The following ACTR3C variants were observed in gnomAD, a reference collection of about 807,000 sequenced individuals.
ACTR3C encodes actin related protein 3C.
Under a neutral mutation model 26.3 loss-of-function variants are expected in ACTR3C, and 18 were observed. That is an observed-to-expected ratio of 0.68 (90% CI 0.47 to 1.01). The LOEUF (loss-of-function observed/expected upper bound fraction) is 1.01. Ranked by LOEUF, ACTR3C falls within the 50% of genes least tolerant of loss-of-function variation. The probability of loss-of-function intolerance (pLI) is 0.00; values close to 1 mark genes in which losing one functional copy is unlikely to be tolerated. For synonymous variants in ACTR3C, 55 were observed against 94.5 expected, an observed-to-expected ratio of 0.58 and a Z score of 2.42; for missense variants, 184 against 250.7, an observed-to-expected ratio of 0.73 and a Z score of 1.80.
the ACTR3C span, among the ~76,000 whole-genome samples, chr7:149,932,617 T>G: frequency 6.6e-6 from 1 of 151,716 alleles, no homozygotes; most frequent in Admixed American, 6.6e-5. Flanking sequence ...CTTTTGGCAC[T>G]GTTTGAAAAA....
At chr7:149,892,292 T>C in the ACTR3C span, 1 of 1,574,452 alleles carries the variant, frequency 6.4e-7, no homozygotes, top group Non-Finnish European at 8.7e-7. Context: ...CATATGTAGG[T>C]TTATCGATGG....
chr7:150,293,029 C>G (rs1453736703), intron 3 of ACTR3C, among the ~76,000 whole-genome samples: 1 of 152,138 alleles, frequency 6.6e-6, no homozygotes, highest in African/African-American at 2.4e-5. Flanking sequence ...CAGAGACATC[C>G]TGGACATTCT....
At chr7:149,968,393 C>A in the ACTR3C span, among the ~76,000 whole-genome samples, 1 of 152,230 alleles carries the variant, frequency 6.6e-6, no homozygotes, top group East Asian at 1.9e-4. Flanking sequence ...ATTAGCCAGG[C>A]GCGGTGGCGG....
At chr7:150,102,320 G>A in the ACTR3C span, among the ~76,000 whole-genome samples, 1 of 151,874 alleles carries the variant, frequency 6.6e-6, no homozygotes, top group Non-Finnish European at 1.5e-5. Context: ...TTGCTGAGAA[G>A]AGCAAGGATT....
chr7:150,087,138 A>G, the ACTR3C span, among the ~76,000 whole-genome samples: 1 of 116,138 alleles, frequency 8.6e-6, no homozygotes, highest in Admixed American at 1.0e-4. Flanking sequence ...ATTTGGTTGT[A>G]TGTTGTTTTT....
chr7:150,289,605 G>T lies in ACTR3C; in HGVS notation c.154-12C>A, dbSNP rs769148660. ...ACATAACCTTCTGCCTAGGGAAGAAGAGGAGGCAGAACAGCTGTGTTAGTG... is the reference window on the plus strand; with the variant it reads ...ACATAACCTTCTGCCTAGGGAAGAATAGGAGGCAGAACAGCTGTGTTAGTG... On this transcript the variant is annotated splice_polypyrimidine_tract_variant and intron_variant, in intron 3 of 7. Transcript: ENST00000683684. The T allele has an allele frequency of 3.2e-6, 5 of 1,564,376 alleles. No individual in the cohort carries two copies. Among genetic ancestry groups the T allele is most frequent in the Admixed American group, 3.5e-5 (2 of 56,980 alleles).
chr7:150,061,736 G>A, the ACTR3C span, among the ~76,000 whole-genome samples: 1 of 8,416 alleles, frequency 1.2e-4, no homozygotes, highest in African/African-American at 3.2e-4. Context: ...ACACATTCCA[G>A]GATGTTGTGA....
chr7:150,163,851 T>C, the ACTR3C span, among the ~76,000 whole-genome samples: 1 of 151,974 alleles, frequency 6.6e-6, no homozygotes, highest in Non-Finnish European at 1.5e-5. Flanking sequence ...GATGCCCCAA[T>C]GGATTGGGGA....
At chr7:150,025,195 G>T in the ACTR3C span, among the ~76,000 whole-genome samples, 2 of 149,946 alleles carry the variant, frequency 1.3e-5, no homozygotes, top group Non-Finnish European at 3.0e-5. Context: ...TTGACATAAG[G>T]AATAATGTTT....
At chr7:150,207,193 A>G in the ACTR3C span, among the ~76,000 whole-genome samples, 1 of 152,218 alleles carries the variant, frequency 6.6e-6, no homozygotes, top group Non-Finnish European at 1.5e-5. Flanking sequence ...AGAGTAAGCA[A>G]TAAGTCCTGT....
the ACTR3C span, among the ~76,000 whole-genome samples, chr7:150,126,520 G>A: frequency 5.9e-5 from 9 of 152,224 alleles, no homozygotes; most frequent in Non-Finnish European, 1.3e-4. Flanking sequence ...AGAGCAAGAT[G>A]AAGCATGCTT....
intron 6 of ACTR3C, among the ~76,000 whole-genome samples, chr7:150,266,260 A>G (rs1477370969): frequency 2.0e-5 from 3 of 146,702 alleles, no homozygotes; most frequent in Non-Finnish European, 4.4e-5. Flanking sequence ...ACATAACCAT[A>G]CAAACAGTGC....
At chr7:149,950,795 TC>T in the ACTR3C span, among the ~76,000 whole-genome samples, 5 of 124,064 alleles carry the variant, frequency 4.0e-5, no homozygotes, top group Admixed American at 8.5e-5. Flanking sequence ...TACCTGGTCG[TC>T]ACTTTGTGGC....
intron 6 of ACTR3C, among the ~76,000 whole-genome samples, chr7:150,257,493 A>C (rs1212164428): frequency 6.6e-6 from 1 of 152,226 alleles, no homozygotes; most frequent in Non-Finnish European, 1.5e-5. Context: ...AGGAAATGCT[A>C]ATATAGCCCA....
At chr7:149,980,908 T>C in the ACTR3C span, among the ~76,000 whole-genome samples, 1 of 151,992 alleles carries the variant, frequency 6.6e-6, no homozygotes, top group Non-Finnish European at 1.5e-5. Context: ...GATCCTTTTC[T>C]TCTGTTCAGA....
At chr7:150,119,330 ATTCAGGAGACCCAT>A in the ACTR3C span, among the ~76,000 whole-genome samples, 1 of 152,244 alleles carries the variant, frequency 6.6e-6, no homozygotes, top group Non-Finnish European at 1.5e-5. Context: ...GGTATGCTGT[ATTCAGGAGACCCAT>A]TTCACATGCA....
At chr7:149,916,562 T>TTA in the ACTR3C span, among the ~76,000 whole-genome samples, 5 of 143,140 alleles carry the variant, frequency 3.5e-5, no homozygotes, top group African/African-American at 5.1e-5. Flanking sequence ...TCTTCCACTT[T>TTA]TATATATATA....
At chr7:150,207,586 C>T in the ACTR3C span, among the ~76,000 whole-genome samples, 7 of 151,588 alleles carry the variant, frequency 4.6e-5, no homozygotes, top group Admixed American at 6.6e-5. Flanking sequence ...GTGATACACA[C>T]GTAACTGTGT....
chr7:150,164,890 C>A, the ACTR3C span, among the ~76,000 whole-genome samples: 4,921 of 152,260 alleles, frequency 0.032, 258 homozygotes, highest in African/African-American at 0.11. Context: ...AGGGAGAATT[C>A]CCCACCAGTA....
Sources: gnomAD v4.1 joint callset for allele counts (sites outside exome capture counted in the v4.1 genomes callset) on GRCh38, gnomAD v4.1.1 for gene constraint, MANE v1.5 for transcripts, NCBI Gene and HGNC (gene_info 2026-07-23, HGNC 2026-07-21) for gene names.